Variants in XPO4 observed in about 807,000 individuals in gnomAD.
XPO4 encodes exportin-4.
Under a neutral mutation model 143.0 loss-of-function variants are expected in XPO4, and 39 were observed. The observed-to-expected ratio is 0.27, with a 90% CI of 0.21 to 0.36. XPO4 has a LOEUF of 0.36. Among genes scored for constraint, XPO4 ranks in the 10% least tolerant of loss-of-function variants. The pLI, the probability that XPO4 is intolerant of heterozygous loss-of-function variation, is 1.00. For missense variants in XPO4, 907 were observed against 1,348.0 expected, an observed-to-expected ratio of 0.67 and a Z score of 5.12; for synonymous variants, 439 against 474.0, an observed-to-expected ratio of 0.93 and a Z score of 0.96.
rs935676563 is a variant in XPO4, at chr13:20,824,715, A to C, written c.840+2352T>G. Among the ~76,000 whole-genome samples the C allele has an allele frequency of 1.0e-3, 155 of 152,176 alleles. 2 individuals are homozygous for C. The highest frequency in any genetic ancestry group is 0.01 in the Admixed American group (155 of 15,268). Reference sequence around the variant, plus strand: ...AAACGGAAAGCTGAATCACCACCTGAATATGGAAAAGGGACAGAGGGATAA... The same window carrying C: ...AAACGGAAAGCTGAATCACCACCTGCATATGGAAAAGGGACAGAGGGATAA... On this transcript the variant is annotated intron_variant, in intron 7 of 22. Coordinates refer to ENST00000255305, the MANE Select transcript of XPO4 (RefSeq NM_022459.5).
At chr13:20,811,879 T>C (rs891884415) in intron 9 of XPO4, among the ~76,000 whole-genome samples, 1 of 152,198 alleles carries the variant, frequency 6.6e-6, no homozygotes, top group Non-Finnish European at 1.5e-5. Context: ...GCCTTTCTTC[T>C]TTTGGACATG....
intron 6 of XPO4, among the ~76,000 whole-genome samples, chr13:20,838,883 T>C (rs1004150426): frequency 6.6e-6 from 1 of 152,116 alleles, no homozygotes; most frequent in Admixed American, 6.6e-5. Flanking sequence ...GGTATATCCA[T>C]ACAATATTAT....
intron 1 of XPO4, among the ~76,000 whole-genome samples, chr13:20,893,338 G>A (rs745878451): frequency 1.3e-5 from 2 of 152,144 alleles, no homozygotes; most frequent in African/African-American, 4.8e-5. Context: ...AAAGACAGTG[G>A]ACAGAAACAG....
At position 20,787,640 on chromosome 13, in the gene XPO4, C is replaced by A. The variant is rs762816225; in HGVS notation, c.3048-42G>T. On this transcript the variant is annotated intron_variant, in intron 20 of 22. Transcript: ENST00000255305. ...AAGAACAAACTAGATTGGATATATTCGATTTATAAAAGATAAAAAAATTAT... is the reference window on the plus strand; with the variant it reads ...AAGAACAAACTAGATTGGATATATTAGATTTATAAAAGATAAAAAAATTAT... 2.6e-6 allele frequency: 4 copies of A among 1,541,884 alleles called. No homozygotes were observed. The African/African-American group carries it at 4.1e-5, about 16-fold the overall frequency.
chr13:20,851,674 C>T, intron 4 of XPO4: 4 of 778,618 alleles, frequency 5.1e-6, no homozygotes, highest in Non-Finnish European at 3.1e-6. Flanking sequence ...TACACCATTG[C>T]CCTCCAGCCG....
chr13:20,848,622 A>C (rs889910105), intron 4 of XPO4: 1 of 985,318 alleles, frequency 1.0e-6, no homozygotes, highest in Non-Finnish European at 1.2e-6. Flanking sequence ...AAATTACTAA[A>C]TGTGTTACAC....
intron 1 of XPO4, among the ~76,000 whole-genome samples, chr13:20,894,548 A>G (rs1220366121): frequency 6.7e-6 from 1 of 150,152 alleles, no homozygotes; most frequent in African/African-American, 2.4e-5. Flanking sequence ...TTAAAAGTAG[A>G]TTTTTTTTTT....
chr13:20,880,448 G>GA (rs920246003), intron 1 of XPO4, among the ~76,000 whole-genome samples: 13 of 147,104 alleles, frequency 8.8e-5, no homozygotes, highest in African/African-American at 2.5e-4. Context: ...AAAAAGAAAA[G>GA]AAAAAAAAAG....
chr13:20,857,020 G>T, intron 3 of XPO4: 11 of 368,902 alleles, frequency 3.0e-5, no homozygotes, highest in Non-Finnish European at 3.8e-5. Context: ...TATTTATACA[G>T]ATGAATAAAT....
At position 20,807,567 on chromosome 13, in the gene XPO4, G is replaced by A. The variant is rs1448656150; in HGVS notation, c.1707C>T (p.Ser569=). Residue 569 remains serine, a synonymous_variant, in exon 13 of 23, where the codon TCC becomes TCT. Transcript: ENST00000255305. ...PLIPPEIMEY[S]IKHSSEVDIN... is the part of the protein sequence containing the mutation. The stretch of plus-strand genomic sequence containing the variant: ...TGTCAACTTCAGATGAATGCTTAAT[G>A]GAATATTCCATTATTTCTGGAGGTA... The A allele has an allele frequency of 1.2e-6, 2 of 1,612,918 alleles. No individual in the cohort carries two copies. The highest frequency in any genetic ancestry group is 2.2e-5 in the East Asian group (1 of 44,834).
rs139318689 is a variant in XPO4, at chr13:20,788,065, T to C, written c.3047+421A>G. Among the ~76,000 whole-genome samples, 868 of 151,292 alleles carry C rather than the reference T, an allele frequency of 5.7e-3. 10 individuals carry two copies. The highest frequency in any genetic ancestry group is 0.02 in the African/African-American group (829 of 41,246). Reference sequence around the variant, plus strand: ...CAGTTTTTTGTTTTTTTGTTTTTTTTTTTTTTTGAGATGGAGTTTCACTCT... The same window carrying C: ...CAGTTTTTTGTTTTTTTGTTTTTTTCTTTTTTTGAGATGGAGTTTCACTCT... On this transcript the variant is annotated intron_variant, in intron 20 of 22. Transcript: ENST00000255305.
intron 4 of XPO4, chr13:20,850,949 C>A (rs2060078851): frequency 1.0e-6 from 1 of 985,140 alleles, no homozygotes; most frequent in Admixed American, 6.2e-5. Context: ...CTACAGAAAA[C>A]CTTTAGTTAA....
At chr13:20,834,048 C>A (rs2138024098) in intron 6 of XPO4, among the ~76,000 whole-genome samples, 1 of 152,128 alleles carries the variant, frequency 6.6e-6, no homozygotes, top group East Asian at 1.9e-4. Context: ...CATGGGGCTA[C>A]AAAGTGCAGA....
At position 20,891,121 on chromosome 13, in the gene XPO4, T is replaced by C. The variant is rs1474963104; in HGVS notation, c.69+11549A>G. ...AACAAGAGCAAAACTCCATCTCAAT[T>C]TAAAAAAAAAAAAAAAAAAAAAAAA... is the stretch of plus-strand genomic sequence containing the variant. On this transcript the variant is annotated intron_variant, in intron 1 of 22. Coordinates refer to ENST00000255305, the MANE Select transcript of XPO4 (RefSeq NM_022459.5). Among the ~76,000 whole-genome samples, 366 of 86,026 alleles carry C rather than the reference T, an allele frequency of 4.3e-3. 2 individuals are homozygous for C. The highest frequency in any genetic ancestry group is 0.016 in the African/African-American group (347 of 21,086). The allele number at this position is 86,026 out of a possible 152,430, so 56.4% of individuals were successfully genotyped here.
At chr13:20,879,289 A>G in intron 1 of XPO4, 11 of 985,410 alleles carry the variant, frequency 1.1e-5, no homozygotes, top group Non-Finnish European at 1.3e-5. Flanking sequence ...ACAAACCGGA[A>G]GGAGGGGGAC....
intron 9 of XPO4, among the ~76,000 whole-genome samples, chr13:20,815,584 T>C (rs1243423141): frequency 2.0e-5 from 3 of 152,234 alleles, no homozygotes; most frequent in Admixed American, 6.5e-5. Flanking sequence ...GAACAGCAAC[T>C]AATCATCATG....
At chr13:20,818,556 T>C (rs565397704) in intron 9 of XPO4, among the ~76,000 whole-genome samples, 1 of 152,334 alleles carries the variant, frequency 6.6e-6, no homozygotes, top group Non-Finnish European at 1.5e-5. Context: ...AAGTCTTACA[T>C]GTGGAACCTG....
At chr13:20,827,991 A>T (rs1321191819) in intron 6 of XPO4, among the ~76,000 whole-genome samples, 1 of 152,304 alleles carries the variant, frequency 6.6e-6, no homozygotes, top group South Asian at 2.1e-4. Flanking sequence ...TAATCTCCAC[A>T]TTTTGGGAGG....
At position 20,821,739 on chromosome 13, in the gene XPO4, A is replaced by C. The variant is rs1285395828; in HGVS notation, c.1138T>G (p.Cys380Gly). Reference sequence around the variant, plus strand: ...AATGCAGCACTTCGCCCAAAAGAACAAGTGAGGTGTGTGAGGCAGTTAACA... The same window carrying C: ...AATGCAGCACTTCGCCCAAAAGAACCAGTGAGGTGTGTGAGGCAGTTAACA... ...SFVNCLTHLTCSFGRSAALEE... is the reference protein window; with the variant it reads ...SFVNCLTHLTGSFGRSAALEE... The change falls in exon 9 of 23, where the codon TGT becomes GGT. Residue 380 changes from cysteine to glycine, a missense_variant. By Grantham distance (159) the Cys-to-Gly change is radical (BLOSUM62 -3). Coordinates refer to ENST00000255305, the MANE Select transcript of XPO4 (RefSeq NM_022459.5). 8.7e-6 allele frequency: 14 copies of C among 1,613,724 alleles called. No homozygotes were observed. Among genetic ancestry groups the C allele is most frequent in the Admixed American group, 3.3e-5 (2 of 59,974 alleles).
Sources: allele counts gnomAD v4.1 joint callset (sites outside exome capture counted in the v4.1 genomes callset), GRCh38; gene constraint gnomAD v4.1.1; transcripts MANE v1.5; gene names NCBI Gene and HGNC (gene_info 2026-07-23, HGNC 2026-07-21).